The following BTAF1 variants were observed in gnomAD, a reference collection of about 807,000 sequenced individuals.
The protein encoded by BTAF1 is B-TFIID TATA-box binding protein associated factor 1, also known as TATA-binding protein-associated factor 172.
Under a neutral mutation model 227.1 loss-of-function variants are expected in BTAF1, and 38 were observed. The ratio of observed to expected loss-of-function variants is 0.17; its 90% CI spans 0.13 to 0.22. The LOEUF (loss-of-function observed/expected upper bound fraction) is 0.22, where lower values mean the gene tolerates loss of function less well. BTAF1 is among the 10% of genes least tolerant of loss of function. The pLI is 1.00. For missense variants in BTAF1, 1,598 were observed against 2,204.0 expected (o/e 0.73, Z 5.51); for synonymous variants, 742 against 751.9 (o/e 0.99, Z 0.21).
chr10:91,959,750 A>AGGT (rs747430446), intron 9 of BTAF1, 35 bp from the exon 10 acceptor site: 1 of 262,414 alleles, frequency 3.8e-6, no homozygotes, highest in Non-Finnish European at 6.1e-6. Flanking sequence ...GTATATATAT[A>AGGT]TATATATATA....
chr10:91,950,335 T>C (rs1293500439), intron 4 of BTAF1, among the ~76,000 whole-genome samples: 1 of 146,130 alleles, frequency 6.8e-6, no homozygotes, highest in African/African-American at 2.4e-5. Context: ...ACAATTCCCC[T>C]AAGTAAATGC....
Position 91,934,979 on chromosome 10 carries a change from C to T in BTAF1, c.15-678C>T, listed in dbSNP as rs558286975. ...CCTCAAAGCACTTTGTACTTTTTTT[C>T]CTGCCATGTATCTTATTGTACTTGA... On this transcript the variant is annotated intron_variant, in intron 1 of 37. Coordinates refer to ENST00000265990, the MANE Select transcript of BTAF1 (RefSeq NM_003972.3). 3.9e-5 allele frequency among the ~76,000 whole-genome samples: 6 copies of T among 152,134 alleles called. No individual in the cohort carries two copies. In the East Asian group the frequency reaches 9.7e-4, roughly 24 times the overall value.
chr10:91,991,832 T>TATATACAC (rs1466556430), intron 20 of BTAF1, among the ~76,000 whole-genome samples: 1 of 11,290 alleles, frequency 8.9e-5, no homozygotes, highest in African/African-American at 1.3e-4. Flanking sequence ...TATATATATA[T>TATATACAC]ACACACATAT....
intron 1 of BTAF1, among the ~76,000 whole-genome samples, chr10:91,931,113 T>C (rs1844248744): frequency 6.6e-6 from 1 of 152,240 alleles, no homozygotes; most frequent in Non-Finnish European, 1.5e-5. Flanking sequence ...TTTACTGTTA[T>C]GAATTAACAT....
At chr10:91,998,980 T>A (rs1031671451) in intron 25 of BTAF1, among the ~76,000 whole-genome samples, 5 of 151,830 alleles carry the variant, frequency 3.3e-5, no homozygotes, top group African/African-American at 1.2e-4. Context: ...GGAGAATCGC[T>A]TGAACCTGGG....
At chr10:91,932,391 C>T (rs749766110) in intron 1 of BTAF1, among the ~76,000 whole-genome samples, 1 of 151,878 alleles carries the variant, frequency 6.6e-6, no homozygotes, top group Non-Finnish European at 1.5e-5. Flanking sequence ...AAGGATGTTT[C>T]TCAAAGGAAG....
chr10:91,979,612 G>A (rs1161927315), intron 14 of BTAF1, among the ~76,000 whole-genome samples: 1 of 152,124 alleles, frequency 6.6e-6, no homozygotes, highest in Non-Finnish European at 1.5e-5. Context: ...GTGGAGGGCA[G>A]GGGCTGTTAG....
At chr10:91,958,874 A>C (rs1383086594) in intron 8 of BTAF1, among the ~76,000 whole-genome samples, 191 bp from the exon 9 acceptor site, 1 of 152,224 alleles carries the variant, frequency 6.6e-6, no homozygotes, top group Non-Finnish European at 1.5e-5. Context: ...AATTCCATAT[A>C]ACCAAAAGCA....
At chr10:91,983,641 A>G (rs948172990) in intron 18 of BTAF1, among the ~76,000 whole-genome samples, 5 of 152,178 alleles carry the variant, frequency 3.3e-5, no homozygotes, top group Non-Finnish European at 7.4e-5. Context: ...TACTCTGTGA[A>G]GCCCAGGCTG....
chr10:91,929,092 T>C, intron 1 of BTAF1, among the ~76,000 whole-genome samples: 1 of 152,106 alleles, frequency 6.6e-6, no homozygotes, highest in East Asian at 1.9e-4. Context: ...GGATTACTGG[T>C]GTGAGCCACT....
rs1289814026 is a variant in BTAF1 at position 92,029,055 on chromosome 10, G to A, written c.*122G>A. ...TGTAAATAGATCTGGAGAATATTCA[G>A]CATAATGCTGGCTCTTGTTTCACTG... On this transcript the variant is annotated 3_prime_UTR_variant, in exon 38 of 38. Coordinates refer to ENST00000265990, the MANE Select transcript of BTAF1 (RefSeq NM_003972.3). 1.2e-6 allele frequency: 1 copy of A among 852,870 alleles called. No homozygotes were observed. Among genetic ancestry groups the A allele is most frequent in the Non-Finnish European group, 1.7e-6 (1 of 582,334 alleles). The allele number at this position is 852,870 out of a possible 1,614,324, so 52.8% of individuals were successfully genotyped here.
intron 15 of BTAF1, 80 bp from the exon 16 acceptor site, chr10:91,981,563 C>G (rs1222705458): frequency 7.2e-7 from 1 of 1,391,518 alleles, no homozygotes; most frequent in East Asian, 2.4e-5. Context: ...TTAAAAAAAC[C>G]TCAGTATTCC....
intron 1 of BTAF1, among the ~76,000 whole-genome samples, chr10:91,934,637 G>T (rs1432593407): frequency 1.3e-5 from 2 of 152,118 alleles, no homozygotes; most frequent in Non-Finnish European, 2.9e-5. Flanking sequence ...CTTCATGGTT[G>T]CAAGTTCATT....
intron 34 of BTAF1, among the ~76,000 whole-genome samples, chr10:92,019,974 G>C (rs1481370165): frequency 6.6e-6 from 1 of 150,590 alleles, no homozygotes; most frequent in Non-Finnish European, 1.5e-5. Context: ...CTCCCACCTG[G>C]GCCTGCCAAA....
At chr10:91,924,133 GA>G (rs775105811) in intron 1 of BTAF1, 43 bp downstream of exon 1, 2 of 1,601,342 alleles carry the variant, frequency 1.2e-6, no homozygotes, top group Non-Finnish European at 1.7e-6. Context: ...GCGATTCAGG[GA>G]AGGCATGGTC....
In BTAF1 at chr10:91,938,993, G is replaced by A. The variant is rs1473059157; in HGVS notation, c.139-959G>A. Among the ~76,000 whole-genome samples the A allele has an allele frequency of 5.3e-5, 8 of 150,024 alleles. No homozygotes were observed. The East Asian group carries it at 7.8e-4, about 15-fold the overall frequency. Reference sequence around the variant, plus strand: ...ATTTCTGCAAAAAAAAAAAAAAGGGGGGGGGGATTTTGATAGGAATTGTGT... The same window carrying A: ...ATTTCTGCAAAAAAAAAAAAAAGGGAGGGGGGATTTTGATAGGAATTGTGT... On this transcript the variant is annotated intron_variant, in intron 2 of 37. Coordinates refer to ENST00000265990, the MANE Select transcript of BTAF1 (RefSeq NM_003972.3).
chr10:91,986,173 A>G (rs1187202858), intron 19 of BTAF1, among the ~76,000 whole-genome samples: 1 of 152,106 alleles, frequency 6.6e-6, no homozygotes, highest in Non-Finnish European at 1.5e-5. Context: ...TTTCTTACAG[A>G]TATCTAATTT....
At chr10:92,017,707 C>T (rs1205489037) in intron 33 of BTAF1, among the ~76,000 whole-genome samples, 1 of 151,978 alleles carries the variant, frequency 6.6e-6, no homozygotes, top group Non-Finnish European at 1.5e-5. Context: ...GATAAGGTCT[C>T]ACCATGTTGC....
chr10:91,963,076 T>G (rs1385700237), intron 12 of BTAF1, among the ~76,000 whole-genome samples: 1 of 152,028 alleles, frequency 6.6e-6, no homozygotes, highest in Non-Finnish European at 1.5e-5. Flanking sequence ...TATTAATTAT[T>G]AACTAATAAG....
Sources: gnomAD v4.1 joint callset for allele counts (sites outside exome capture counted in the v4.1 genomes callset) on GRCh38, gnomAD v4.1.1 for gene constraint, MANE v1.5 for transcripts, NCBI Gene and HGNC (gene_info 2026-07-23, HGNC 2026-07-21) for gene names.